Variants in TP63 observed in about 807,000 individuals in gnomAD.
The protein encoded by TP63 is tumor protein 63.
A neutral mutation model predicts 82.8 loss-of-function variants in TP63; 17 were observed. That is an observed-to-expected ratio of 0.21 (90% CI 0.14 to 0.31). The LOEUF (loss-of-function observed/expected upper bound fraction) is 0.31. Among genes scored for constraint, TP63 ranks in the 10% least tolerant of loss-of-function variants. The probability of loss-of-function intolerance (pLI) is 1.00; values close to 1 mark genes in which losing one functional copy is unlikely to be tolerated. For synonymous variants in TP63, 330 were observed against 321.7 expected, an observed-to-expected ratio of 1.03 and a Z score of -0.28; for missense variants, 648 against 895.3, an observed-to-expected ratio of 0.72 and a Z score of 3.52.
At position 189,701,584 on chromosome 3, in the gene TP63, T is replaced by C. The variant is rs79125031; in HGVS notation, c.63-36156T>C. Reference sequence around the variant, plus strand: ...ATATGTTATATATATGTGTAATTTTTAAGTTCAGCAGGAAATGTGGGAGGA... The same window carrying C: ...ATATGTTATATATATGTGTAATTTTCAAGTTCAGCAGGAAATGTGGGAGGA... On this transcript the variant is annotated intron_variant, in intron 1 of 13. Coordinates refer to ENST00000264731, the MANE Select transcript of TP63 (RefSeq NM_003722.5). 2.4e-3 allele frequency among the ~76,000 whole-genome samples: 358 copies of C among 149,632 alleles called. 11 individuals carry two copies. In the East Asian group the frequency reaches 0.055, roughly 23 times the overall value.
chr3:189,842,481 G>T (rs1398858601), intron 4 of TP63, among the ~76,000 whole-genome samples: 2 of 152,192 alleles, frequency 1.3e-5, no homozygotes, highest in Non-Finnish European at 2.9e-5. Flanking sequence ...GGGGTGAGGG[G>T]TAAGAGTTCT....
chr3:189,841,485 G>T (rs530060652), intron 4 of TP63, among the ~76,000 whole-genome samples: 1 of 152,178 alleles, frequency 6.6e-6, no homozygotes, highest in East Asian at 1.9e-4. Context: ...CTAGTCTTCC[G>T]GTAAAAAGAA....
chr3:189,643,913 A>G (rs1192657468), intron 1 of TP63, among the ~76,000 whole-genome samples: 1 of 152,180 alleles, frequency 6.6e-6, no homozygotes, highest in Non-Finnish European at 1.5e-5. Flanking sequence ...CAACCATCAA[A>G]GTGATTTACT....
chr3:189,829,544 C>G (rs1711978039), intron 4 of TP63, among the ~76,000 whole-genome samples: 1 of 152,056 alleles, frequency 6.6e-6, no homozygotes, highest in African/African-American at 2.4e-5. Flanking sequence ...GGAATGGCTT[C>G]TATGAAAGTT....
At chr3:189,887,886 C>T (rs544151178) in intron 11 of TP63, among the ~76,000 whole-genome samples, 15 of 132,258 alleles carry the variant, frequency 1.1e-4, no homozygotes, top group Admixed American at 3.9e-4. Flanking sequence ...GACAGAGTTT[C>T]GCTCTTGTTG....
chr3:189,672,327 G>T (rs1055502005), intron 1 of TP63, among the ~76,000 whole-genome samples: 5 of 152,074 alleles, frequency 3.3e-5, no homozygotes, highest in Admixed American at 2.6e-4. Flanking sequence ...AAGGCTGGGT[G>T]CAGTGGCTGC....
intron 4 of TP63, among the ~76,000 whole-genome samples, chr3:189,850,803 T>C (rs1715530115): frequency 6.6e-6 from 1 of 152,164 alleles, no homozygotes; most frequent in Admixed American, 6.5e-5. Flanking sequence ...ATTAAAAATG[T>C]ATGGGAGTAA....
At chr3:189,658,299 GAATAGA>G (rs1209277727) in intron 1 of TP63, among the ~76,000 whole-genome samples, 5 of 151,936 alleles carry the variant, frequency 3.3e-5, no homozygotes, top group African/African-American at 9.7e-5. Context: ...TAATATAGGA[GAATAGA>G]AATACTTGAA....
intron 1 of TP63, among the ~76,000 whole-genome samples, chr3:189,722,946 G>A (rs906102954): frequency 6.6e-6 from 1 of 152,162 alleles, no homozygotes; most frequent in Admixed American, 6.5e-5. Context: ...TTAGAATTTA[G>A]GTGAATACTG....
At chr3:189,789,894 T>G (rs1299129172) in intron 3 of TP63, 5 of 1,482,856 alleles carry the variant, frequency 3.4e-6, no homozygotes, top group Non-Finnish European at 4.5e-6. Context: ...TTAATTTTTA[T>G]TTTTGTAAAA....
intron 3 of TP63, among the ~76,000 whole-genome samples, chr3:189,805,609 C>T (rs922866236): frequency 2.6e-5 from 4 of 152,200 alleles, no homozygotes; most frequent in East Asian, 1.9e-4. Context: ...GCCTGGGAGG[C>T]CTTCGGCCTT....
chr3:189,730,925 A>G (rs904851587), intron 1 of TP63, among the ~76,000 whole-genome samples: 2 of 152,246 alleles, frequency 1.3e-5, no homozygotes, highest in African/African-American at 2.4e-5. Flanking sequence ...GTAGTTTTAT[A>G]GCTTTAAGTT....
At chr3:189,621,664 C>T in the TP63 span, among the ~76,000 whole-genome samples, 2 of 152,096 alleles carry the variant, frequency 1.3e-5, no homozygotes, top group African/African-American at 4.8e-5. Flanking sequence ...TCTCTCTTCT[C>T]ATATTTCCCT....
At chr3:189,868,443 C>T in intron 7 of TP63, 137 bp from the exon 8 acceptor site, 1 of 1,271,060 alleles carries the variant, frequency 7.9e-7, no homozygotes, top group Non-Finnish European at 1.1e-6. Context: ...GCTTTTGGGT[C>T]CATTCTCAAA....
intron 1 of TP63, among the ~76,000 whole-genome samples, chr3:189,727,811 T>C (rs1239728528): frequency 6.6e-6 from 1 of 152,180 alleles, no homozygotes; most frequent in African/African-American, 2.4e-5. Context: ...TAAATTCTAA[T>C]TTGGGGGCAG....
chr3:189,764,929 T>G (rs188127675), intron 3 of TP63, among the ~76,000 whole-genome samples: 69 of 152,286 alleles, frequency 4.5e-4, no homozygotes, highest in African/African-American at 1.6e-3. Context: ...CTGCTTTTCT[T>G]AAAATTAGAA....
intron 3 of TP63, among the ~76,000 whole-genome samples, chr3:189,768,113 C>A (rs1479617160): frequency 6.6e-6 from 1 of 152,118 alleles, no homozygotes; most frequent in Admixed American, 6.5e-5. Flanking sequence ...GTATGAATAA[C>A]TAACCATCTC....
intron 3 of TP63, among the ~76,000 whole-genome samples, chr3:189,770,182 A>C (rs189729454): frequency 7.5e-4 from 115 of 152,330 alleles, no homozygotes; most frequent in African/African-American, 2.7e-3. Flanking sequence ...GCCTTGATCT[A>C]AGTTTTGAAA....
intron 1 of TP63, among the ~76,000 whole-genome samples, chr3:189,729,090 C>T (rs1261799682): frequency 6.6e-6 from 1 of 152,142 alleles, no homozygotes; most frequent in Non-Finnish European, 1.5e-5. Flanking sequence ...CTGATCATTA[C>T]ATAGTCCTTT....
Sources: allele counts gnomAD v4.1 joint callset (sites outside exome capture counted in the v4.1 genomes callset), GRCh38; gene constraint gnomAD v4.1.1; transcripts MANE v1.5; gene names NCBI Gene and HGNC (gene_info 2026-07-23, HGNC 2026-07-21).